The following NRG2 variants were observed in gnomAD, a reference collection of about 807,000 sequenced individuals.
NRG2 encodes the protein pro-neuregulin-2, membrane-bound isoform.
In NRG2, 27 loss-of-function variants were observed where a neutral mutation model predicts 73.9. The observed-to-expected ratio is 0.37, with a 90% CI of 0.27 to 0.50. The LOEUF (loss-of-function observed/expected upper bound fraction) is 0.50. Among genes scored for constraint, NRG2 ranks in the 20% least tolerant of loss-of-function variants. The pLI, the probability that NRG2 is intolerant of heterozygous loss-of-function variation, is 0.96. For synonymous variants in NRG2, 532 were observed against 541.0 expected, an observed-to-expected ratio of 0.98 and a Z score of 0.23; for missense variants, 1,126 against 1,210.1, an observed-to-expected ratio of 0.93 and a Z score of 1.03.
At chr5:140,003,411 G>C (rs776662485) in intron 1 of NRG2, among the ~76,000 whole-genome samples, 1 of 152,232 alleles carries the variant, frequency 6.6e-6, no homozygotes, top group Non-Finnish European at 1.5e-5. Context: ...GTAATCACAA[G>C]TTTCCTTGTA....
intron 1 of NRG2, among the ~76,000 whole-genome samples, chr5:139,992,632 A>ATAAT (rs1757720742): frequency 6.6e-6 from 1 of 152,218 alleles, no homozygotes; most frequent in Non-Finnish European, 1.5e-5. Flanking sequence ...TTTATCATGA[A>ATAAT]TAATTGTCGA....
chr5:139,955,671 G>A (rs1203988596), intron 1 of NRG2, among the ~76,000 whole-genome samples: 1 of 152,156 alleles, frequency 6.6e-6, no homozygotes, highest in Non-Finnish European at 1.5e-5. Context: ...TCTTTTATCA[G>A]TGAGGTGGGA....
chr5:139,848,754 G>A (rs1761208515), intron 9 of NRG2, 57 bp from the exon 10 acceptor site: 1 of 817,106 alleles, frequency 1.2e-6, no homozygotes, highest in Non-Finnish European at 1.7e-6. Flanking sequence ...GCGGGGGAGG[G>A]GGGGTTGGGG....
chr5:139,912,288 T>C (rs953776291), intron 1 of NRG2, among the ~76,000 whole-genome samples: 1 of 226 alleles, frequency 4.4e-3, no homozygotes, highest in African/African-American at 0.019. Flanking sequence ...TTGCCCAATA[T>C]AGCATTTATG....
chr5:140,011,186 C>T (rs1231936996), intron 1 of NRG2, among the ~76,000 whole-genome samples: 1 of 152,204 alleles, frequency 6.6e-6, no homozygotes, highest in Non-Finnish European at 1.5e-5. Context: ...CTTGCAATAG[C>T]ATCTTTTGCC....
chr5:139,980,834 C>G (rs992923497), intron 1 of NRG2, among the ~76,000 whole-genome samples: 4 of 152,350 alleles, frequency 2.6e-5, no homozygotes, highest in South Asian at 4.1e-4. Context: ...AGGCAACTCC[C>G]TTTCCCTGGG....
chr5:139,949,774 G>A (rs1281744089), intron 1 of NRG2, among the ~76,000 whole-genome samples: 1 of 152,212 alleles, frequency 6.6e-6, no homozygotes, highest in Non-Finnish European at 1.5e-5. Context: ...GCTTTGCTGG[G>A]TGTCTGGCCA....
intron 1 of NRG2, among the ~76,000 whole-genome samples, chr5:139,920,079 T>G (rs942361736): frequency 5.9e-5 from 9 of 152,124 alleles, no homozygotes; most frequent in Non-Finnish European, 1.3e-4. Context: ...ACAGGGAGAA[T>G]AGCATATGCA....
At chr5:140,021,843 A>C (rs1051780539) in intron 1 of NRG2, among the ~76,000 whole-genome samples, 3 of 152,222 alleles carry the variant, frequency 2.0e-5, no homozygotes, top group African/African-American at 7.2e-5. Flanking sequence ...ATCCTGAAGA[A>C]TAGCTTAGAT....
At chr5:139,971,810 T>A (rs1755991699) in intron 1 of NRG2, among the ~76,000 whole-genome samples, 1 of 152,112 alleles carries the variant, frequency 6.6e-6, no homozygotes, top group Non-Finnish European at 1.5e-5. Context: ...AATGTAGTAC[T>A]TTACAACATA....
intron 1 of NRG2, among the ~76,000 whole-genome samples, chr5:139,987,876 G>T (rs377517110): frequency 6.8e-6 from 1 of 147,796 alleles, no homozygotes; most frequent in African/African-American, 2.5e-5. Flanking sequence ...CCGGGTTCAC[G>T]CCATCCTCCT....
At chr5:139,992,485 T>C (rs1305551026) in intron 1 of NRG2, among the ~76,000 whole-genome samples, 1 of 152,206 alleles carries the variant, frequency 6.6e-6, no homozygotes, top group Non-Finnish European at 1.5e-5. Flanking sequence ...TTTTCTTGTC[T>C]TTTTGCACTG....
chr5:139,966,690 CA>C lies in NRG2; in HGVS notation c.700+75679del, dbSNP rs371426514. ...GGAGAAAAGGGAAGTTTGGCATGGT[CA>C]GGGGTGATGAGGAGAGGCTGAGAGA... On this transcript the variant is annotated intron_variant, in intron 1 of 9. Coordinates refer to ENST00000361474, the MANE Select transcript of NRG2 (RefSeq NM_004883.3). Among the ~76,000 whole-genome samples the C allele has an allele frequency of 2.5e-3, 375 of 152,114 alleles. 1 individual carries two copies. Among genetic ancestry groups the C allele is most frequent in the Admixed American group, 7.4e-3 (113 of 15,282 alleles).
chr5:139,968,617 C>A (rs185767532), intron 1 of NRG2, among the ~76,000 whole-genome samples: 1 of 152,188 alleles, frequency 6.6e-6, no homozygotes, highest in African/African-American at 2.4e-5. Flanking sequence ...AGCTCCTGAG[C>A]GGCAGCGCCA....
intron 1 of NRG2, among the ~76,000 whole-genome samples, chr5:140,039,764 C>G (rs1761777120): frequency 6.6e-6 from 1 of 152,158 alleles, no homozygotes. Flanking sequence ...TACACACACT[C>G]AGACCTGAAA....
chr5:139,867,803 T>A (rs1285733798), intron 4 of NRG2, among the ~76,000 whole-genome samples: 25 of 113,676 alleles, frequency 2.2e-4, no homozygotes, highest in East Asian at 8.9e-4. Context: ...TGTGTATGAG[T>A]GTGTGTGTGT....
At chr5:139,951,353 C>T (rs1754184429) in intron 1 of NRG2, among the ~76,000 whole-genome samples, 1 of 152,186 alleles carries the variant, frequency 6.6e-6, no homozygotes, top group Non-Finnish European at 1.5e-5. Context: ...TTCATTGTTC[C>T]TGCTCTTCAA....
chr5:139,964,357 T>TACACACACAC (rs71574473), intron 1 of NRG2, among the ~76,000 whole-genome samples: 7 of 142,740 alleles, frequency 4.9e-5, no homozygotes, highest in East Asian at 4.2e-4. Context: ...GAAATACAGA[T>TACACACACAC]ACACACACAC....
intron 6 of NRG2, among the ~76,000 whole-genome samples, chr5:139,855,244 A>G (rs1186702199): frequency 6.6e-6 from 1 of 152,156 alleles, no homozygotes; most frequent in Non-Finnish European, 1.5e-5. Flanking sequence ...ACTACCTAGT[A>G]CCTGCCCACT....
Sources: gnomAD v4.1 joint callset for allele counts (sites outside exome capture counted in the v4.1 genomes callset) on GRCh38, gnomAD v4.1.1 for gene constraint, MANE v1.5 for transcripts, NCBI Gene and HGNC (gene_info 2026-07-23, HGNC 2026-07-21) for gene names.